Variants in DNAH7 observed in about 807,000 individuals in gnomAD.
DNAH7 encodes axonemal beta dynein heavy chain 7.
A neutral mutation model predicts 444.6 loss-of-function variants in DNAH7; 397 were observed. The observed-to-expected ratio is 0.89, with a 90% CI of 0.82 to 0.97. The LOEUF is 0.97. DNAH7 is among the 50% of genes least tolerant of loss of function. The probability of loss-of-function intolerance (pLI) is 0.00; values close to 1 mark genes in which losing one functional copy is unlikely to be tolerated. For synonymous variants in DNAH7, 1,636 were observed against 1,624.4 expected, an observed-to-expected ratio of 1.01 and a Z score of -0.17; for missense variants, 4,902 against 4,800.8, an observed-to-expected ratio of 1.02 and a Z score of -0.62.
At chr2:195,894,326 AAAGT>A (rs1559195354) in intron 30 of DNAH7, 2 of 152,184 alleles carry the variant, frequency 1.3e-5, no homozygotes, top group Non-Finnish European at 1.5e-5. Context: ...AAATAACAGA[AAAGT>A]AAGTAATTTC....
In DNAH7 at chr2:196,047,455, G is replaced by C. The variant is rs73987681; in HGVS notation, c.295C>G (p.Gln99Glu). Residue 99 changes from glutamine to glutamate, a missense_variant, in exon 5 of 65, where the codon CAA (glutamine) becomes GAA (glutamate). Transcript: ENST00000312428. The part of the protein sequence containing the change: ...RFGKKGKLPH[Q>E]VDDSYVGPST... ...GGTCCAACATAACTATCATCAACTT[G>C]GTGGGGTAATTTGCCCTTTTTTCCA... is the stretch of plus-strand genomic sequence containing the variant. 17,035 of 1,600,346 alleles carry C rather than the reference G, an allele frequency of 0.011. 624 individuals are homozygous for C. Among genetic ancestry groups the C allele is most frequent in the African/African-American group, 0.1 (7,452 of 74,424 alleles).
chr2:195,863,968 T>C (rs1700168865), intron 41 of DNAH7, among the ~76,000 whole-genome samples, 181 bp downstream of exon 41: 1 of 152,210 alleles, frequency 6.6e-6, no homozygotes, highest in Non-Finnish European at 1.5e-5. Context: ...ACATATATTC[T>C]TAATAAATAC....
At chr2:195,850,509 G>A (rs1343526928) in intron 46 of DNAH7, among the ~76,000 whole-genome samples, 2 of 152,210 alleles carry the variant, frequency 1.3e-5, no homozygotes, top group African/African-American at 4.8e-5. Flanking sequence ...CATTGCAGTT[G>A]AGAGCTGTGG....
intron 1 of DNAH7, chr2:196,063,195 TCAGA>T (rs1698231309): frequency 2.0e-5 from 3 of 152,238 alleles, no homozygotes; most frequent in Admixed American, 2.0e-4. Context: ...TTGGTTCTTT[TCAGA>T]CACTTTCCTC....
In DNAH7 at chr2:196,000,844, T is replaced by G. The variant is rs1197828428; in HGVS notation, c.1213A>C (p.Arg405=). 1 of 1,599,166 alleles carries G rather than the reference T, an allele frequency of 6.3e-7. No individual in the cohort carries two copies. Among genetic ancestry groups the G allele is most frequent in the Non-Finnish European group, 8.5e-7 (1 of 1,173,436 alleles). The change falls in exon 12 of 65, where the codon AGG becomes CGG. Residue 405 remains arginine (R), a synonymous_variant. Transcript: ENST00000312428. ...RAFEHPGFIM[R]LILDNDTIKF... ...ATGGTGTCATTATCAAGAATCAGCC[T>G]CATGATGAAACCTGGATGTTCAAAA...
intron 51 of DNAH7, among the ~76,000 whole-genome samples, chr2:195,814,574 C>G (rs1186923410): frequency 1.3e-5 from 2 of 152,084 alleles, no homozygotes; most frequent in Non-Finnish European, 2.9e-5. Context: ...AAGAAATTTT[C>G]TTCTCTAGAC....
chr2:195,834,988 A>G (rs1362797004), intron 47 of DNAH7, among the ~76,000 whole-genome samples: 3 of 152,228 alleles, frequency 2.0e-5, no homozygotes, highest in African/African-American at 7.2e-5. Context: ...TCATATATGT[A>G]GTTCATTACA....
At chr2:195,802,632 G>A (rs888076421) in intron 54 of DNAH7, among the ~76,000 whole-genome samples, 4 of 151,832 alleles carry the variant, frequency 2.6e-5, no homozygotes, top group African/African-American at 9.7e-5. Context: ...TGGTGCCACT[G>A]CATTCCAGCC....
intron 1 of DNAH7, 93 bp downstream of exon 1, chr2:196,068,604 G>A (rs770139604): frequency 1.3e-6 from 2 of 1,514,500 alleles, no homozygotes; most frequent in African/African-American, 2.8e-5. Flanking sequence ...TCACAGCTGG[G>A]GAGTTCGCTA....
intron 19 of DNAH7, among the ~76,000 whole-genome samples, chr2:195,937,792 A>T (rs1034654247): frequency 3.9e-5 from 6 of 152,150 alleles, no homozygotes; most frequent in Admixed American, 3.9e-4. Context: ...CAATGTAAGG[A>T]AAGTTCTTTA....
At chr2:196,048,488 C>A (rs1453728272) in intron 3 of DNAH7, 84 bp from the exon 4 acceptor site, 1 of 1,097,342 alleles carries the variant, frequency 9.1e-7, no homozygotes. Flanking sequence ...TTTATAAACA[C>A]AGACATTTTC....
In DNAH7 at chr2:195,799,373, A is replaced by AGC. The variant is rs779827946; in HGVS notation, c.10275_10276insGC (p.Cys3426AlafsTer6). On this transcript the variant is annotated frameshift_variant, in exon 55 of 65. Coordinates refer to ENST00000312428, the MANE Select transcript of DNAH7 (RefSeq NM_018897.3). LOFTEE classifies it high-confidence loss of function. The stretch of plus-strand genomic sequence containing the variant: ...AGCACGAAAATCAGTGGTGCACAGC[A>AGC]GTTACTGTCTCCAAATGCCTTGGCT... The AGC allele has an allele frequency of 2.5e-6, 4 of 1,612,498 alleles. No homozygotes were observed. The African/African-American group carries it at 4.0e-5, about 16-fold the overall frequency.
intron 54 of DNAH7, among the ~76,000 whole-genome samples, chr2:195,802,834 T>C (rs1189338993): frequency 1.3e-5 from 2 of 152,128 alleles, no homozygotes; most frequent in Non-Finnish European, 2.9e-5. Context: ...CCTTAAGTAA[T>C]CTCTGGTCAT....
At chr2:196,007,521 C>A (rs1694450393) in intron 10 of DNAH7, among the ~76,000 whole-genome samples, 1 of 152,040 alleles carries the variant, frequency 6.6e-6, no homozygotes, top group Non-Finnish European at 1.5e-5. Context: ...ATCTTGGTGG[C>A]TTTGGATATG....
chr2:195,910,572 G>T (rs1687298239), intron 24 of DNAH7, among the ~76,000 whole-genome samples: 1 of 151,994 alleles, frequency 6.6e-6, no homozygotes, highest in Admixed American at 6.6e-5. Context: ...AGAATGAAAA[G>T]AAAATTACCA....
At chr2:195,848,612 T>C (rs1158162343) in intron 46 of DNAH7, among the ~76,000 whole-genome samples, 7 of 152,232 alleles carry the variant, frequency 4.6e-5, no homozygotes, top group Admixed American at 4.6e-4. Flanking sequence ...TAGCTCCAAA[T>C]GGAGAAGGCT....
chr2:195,841,669 T>C (rs1310279426), intron 47 of DNAH7, among the ~76,000 whole-genome samples: 1 of 120,302 alleles, frequency 8.3e-6, no homozygotes, highest in African/African-American at 2.8e-5. Flanking sequence ...TCTCCATTAT[T>C]ATTTTGTATT....
rs541134334 is a variant in DNAH7 at position 195,808,710 on chromosome 2, T to C, written c.10055A>G (p.Asp3352Gly). Reference protein sequence around the residue: ...TIRREFMRLKDGWKKVYDSLE... With the variant: ...TIRREFMRLKGGWKKVYDSLE... Reference sequence around the variant, plus strand: ...ACTATCATATACTTTCTTCCATCCATCCTTTAAGCGCATAAACTCTCTACG... The same window carrying C: ...ACTATCATATACTTTCTTCCATCCACCCTTTAAGCGCATAAACTCTCTACG... The change falls in exon 53 of 65, where the codon GAT becomes GGT. Residue 3352 changes from aspartate (D) to glycine (G), a missense_variant. Coordinates refer to ENST00000312428, the MANE Select transcript of DNAH7 (RefSeq NM_018897.3). 31 of 1,613,994 alleles carry C rather than the reference T, an allele frequency of 1.9e-5. No individual in the cohort carries two copies. Among genetic ancestry groups the C allele is most frequent in the East Asian group, 8.9e-5 (4 of 44,866 alleles).
At chr2:195,846,485 C>G (rs1056572978) in intron 46 of DNAH7, among the ~76,000 whole-genome samples, 5 of 152,200 alleles carry the variant, frequency 3.3e-5, no homozygotes, top group Admixed American at 3.3e-4. Flanking sequence ...TTATTCAACT[C>G]AGCAACCCCA....
Sources: gnomAD v4.1 joint callset for allele counts (sites outside exome capture counted in the v4.1 genomes callset) on GRCh38, gnomAD v4.1.1 for gene constraint, MANE v1.5 for transcripts, NCBI Gene and HGNC (gene_info 2026-07-23, HGNC 2026-07-21) for gene names.